Variants in ATG10 observed in about 807,000 individuals in gnomAD.
ATG10 encodes the protein autophagy related 10.
In ATG10, 30 loss-of-function variants were observed where a neutral mutation model predicts 32.1. The ratio of observed to expected loss-of-function variants is 0.94; its 90% CI spans 0.70 to 1.27. The LOEUF (loss-of-function observed/expected upper bound fraction) is 1.27, where lower values mean the gene tolerates loss of function less well. Among genes scored for constraint, ATG10 ranks in the 50% most tolerant of loss-of-function variants. The pLI, the probability that ATG10 is intolerant of heterozygous loss-of-function variation, is 0.00. For synonymous variants in ATG10, 87 were observed against 91.5 expected (o/e 0.95, Z 0.28); for missense variants, 233 against 262.3 (o/e 0.89, Z 0.77).
intron 5 of ATG10, among the ~76,000 whole-genome samples, chr5:82,185,054 A>T (rs926977663): frequency 1.3e-5 from 2 of 152,166 alleles, no homozygotes; most frequent in Non-Finnish European, 2.9e-5. Context: ...TTTCCAAACC[A>T]CAAGAGATTC....
chr5:81,993,362 T>TTCTTTCCTTCTTTCTTTCTTTTCTTTG (rs1761536800), intron 2 of ATG10, among the ~76,000 whole-genome samples: 1 of 35,768 alleles, frequency 2.8e-5, no homozygotes, highest in Non-Finnish European at 5.2e-5. Flanking sequence ...TTTCTTTCCT[T>TTCTTTCCTTCTTTCTTTCTTTTCTTTG]CTTTTCTTTT....
At chr5:82,144,851 T>G (rs978616626) in intron 3 of ATG10, among the ~76,000 whole-genome samples, 1 of 152,098 alleles carries the variant, frequency 6.6e-6, no homozygotes, top group Non-Finnish European at 1.5e-5. Context: ...CTAAAATTTT[T>G]TTTAGCTTTT....
rs112002406 is a variant in ATG10, at chr5:82,124,300, G to C, written c.217-40099G>C. 8.7e-3 allele frequency among the ~76,000 whole-genome samples: 1,287 copies of C among 147,334 alleles called. 4 individuals carry two copies. Among genetic ancestry groups the C allele is most frequent in the Non-Finnish European group, 0.015 (1,005 of 67,422 alleles). On this transcript the variant is annotated intron_variant, in intron 3 of 7. Coordinates refer to ENST00000282185, the MANE Select transcript of ATG10 (RefSeq NM_031482.5). ...TTACAGACGTGAGCCACTGCCCTTGGCTTTTTTTTTTTTTTATAATTTAAG... is the reference window on the plus strand; with the variant it reads ...TTACAGACGTGAGCCACTGCCCTTGCCTTTTTTTTTTTTTTATAATTTAAG...
At chr5:82,225,709 C>T (rs1241842788) in intron 5 of ATG10, among the ~76,000 whole-genome samples, 4 of 152,102 alleles carry the variant, frequency 2.6e-5, no homozygotes, top group Non-Finnish European at 5.9e-5. Flanking sequence ...ATGGCAGGTA[C>T]ATTAAGGAGT....
intron 5 of ATG10, among the ~76,000 whole-genome samples, chr5:82,222,845 T>G (rs1384069343): frequency 6.6e-6 from 1 of 152,216 alleles, no homozygotes; most frequent in African/African-American, 2.4e-5. Flanking sequence ...CAGGGCATAT[T>G]GTTCTTTCAG....
intron 2 of ATG10, among the ~76,000 whole-genome samples, chr5:82,017,010 A>G (rs1180204184): frequency 6.6e-6 from 1 of 152,072 alleles, no homozygotes; most frequent in Non-Finnish European, 1.5e-5. Context: ...GGTCATTTTT[A>G]TAATATCAAT....
intron 2 of ATG10, chr5:82,009,652 T>A (rs1762074966): frequency 6.3e-7 from 1 of 1,593,968 alleles, no homozygotes; most frequent in Non-Finnish European, 8.6e-7. Flanking sequence ...TTGCCATTCC[T>A]GGACCCAAAG....
At chr5:81,983,587 C>T (rs1364374618) in intron 1 of ATG10, among the ~76,000 whole-genome samples, 16 of 144,370 alleles carry the variant, frequency 1.1e-4, no homozygotes, top group South Asian at 2.2e-4. Context: ...TAGGGGCGGC[C>T]GGGCAGAGGC....
intron 5 of ATG10, among the ~76,000 whole-genome samples, chr5:82,190,935 C>G (rs554696830): frequency 6.6e-6 from 1 of 151,908 alleles, no homozygotes; most frequent in African/African-American, 2.4e-5. Context: ...ATAATTGATG[C>G]AATTGTCAAA....
intron 1 of ATG10, among the ~76,000 whole-genome samples, chr5:81,985,020 T>G (rs1396141909): frequency 6.6e-6 from 1 of 152,216 alleles, no homozygotes; most frequent in African/African-American, 2.4e-5. Context: ...CAACCAAATA[T>G]CAATTAGTGT....
chr5:82,044,962 A>G (rs763065429), intron 2 of ATG10, among the ~76,000 whole-genome samples: 15 of 152,084 alleles, frequency 9.9e-5, no homozygotes, highest in Non-Finnish European at 1.5e-4. Flanking sequence ...ATTCTTGTCA[A>G]TCTGTTTCTC....
rs149472606 is a variant in ATG10, at chr5:82,058,567, G to A, written c.181G>A (p.Ala61Thr). 745 of 1,612,940 alleles carry A rather than the reference G, an allele frequency of 4.6e-4. 4 individuals carry two copies. The African/African-American group carries it at 8.6e-3, about 19-fold the overall frequency. The change falls in exon 3 of 8, where the codon GCA (alanine) becomes ACA (threonine). Residue 61 changes from alanine to threonine, a missense_variant. Coordinates refer to ENST00000282185, the MANE Select transcript of ATG10 (RefSeq NM_031482.5). ...KNGSVMSHLG[A>T]STHGQTCLPM... ...TGGGTCTGTGATGTCACATCTAGGA[G>A]CATCTACCCATGGACAGACATGTCT...
At chr5:81,985,722 C>T (rs1189130626) in intron 1 of ATG10, among the ~76,000 whole-genome samples, 1 of 152,154 alleles carries the variant, frequency 6.6e-6, no homozygotes, top group Non-Finnish European at 1.5e-5. Context: ...TGACTTTTAT[C>T]GAGTCTTTCC....
intron 2 of ATG10, among the ~76,000 whole-genome samples, chr5:81,994,057 A>T (rs973155178): frequency 2.0e-5 from 3 of 152,210 alleles, no homozygotes; most frequent in Non-Finnish European, 4.4e-5. Flanking sequence ...ATTCAGGACC[A>T]TATAGCTTCT....
chr5:81,973,003 T>G (rs1760769051), intron 1 of ATG10, among the ~76,000 whole-genome samples: 1 of 152,198 alleles, frequency 6.6e-6, no homozygotes, highest in Non-Finnish European at 1.5e-5. Context: ...TGATATTGAT[T>G]AGGGCCTAGG....
At chr5:82,180,049 C>T (rs1212084122) in intron 5 of ATG10, among the ~76,000 whole-genome samples, 1 of 152,112 alleles carries the variant, frequency 6.6e-6, no homozygotes, top group African/African-American at 2.4e-5. Flanking sequence ...CTCTCTGCCC[C>T]TTACCTGTAG....
chr5:82,117,586 A>G (rs917582257), intron 3 of ATG10, among the ~76,000 whole-genome samples: 1 of 152,134 alleles, frequency 6.6e-6, no homozygotes, highest in African/African-American at 2.4e-5. Flanking sequence ...AAAGTACACT[A>G]TTCTTGTAAC....
intron 5 of ATG10, among the ~76,000 whole-genome samples, chr5:82,241,996 G>C (rs1035295233): frequency 2.6e-5 from 4 of 151,852 alleles, no homozygotes; most frequent in Non-Finnish European, 5.9e-5. Context: ...CATATTTGTA[G>C]TCCTACTAAA....
chr5:82,208,012 A>G (rs1745363855), intron 5 of ATG10, among the ~76,000 whole-genome samples: 1 of 152,176 alleles, frequency 6.6e-6, no homozygotes, highest in African/African-American at 2.4e-5. Flanking sequence ...TTAGTATGAG[A>G]TACAAGTCAT....
Sources: allele counts gnomAD v4.1 joint callset (sites outside exome capture counted in the v4.1 genomes callset), GRCh38; gene constraint gnomAD v4.1.1; transcripts MANE v1.5; gene names NCBI Gene and HGNC (gene_info 2026-07-23, HGNC 2026-07-21).